Variants in RAB21 observed in about 807,000 individuals in gnomAD.
RAB21 encodes the protein RAB21, member RAS oncogene family.
RAB21 carries 13 observed loss-of-function variants against 33.1 expected under a neutral mutation model. The ratio of observed to expected loss-of-function variants is 0.39; its 90% confidence interval spans 0.26 to 0.62. The LOEUF (loss-of-function observed/expected upper bound fraction) is 0.62. RAB21 is among the 20% of genes least tolerant of loss of function. The pLI, the probability that RAB21 is intolerant of heterozygous loss-of-function variation, is 0.48. For missense variants in RAB21, 234 were observed against 279.1 expected (o/e 0.84, Z 1.15); for synonymous variants, 91 against 103.7 (o/e 0.88, Z 0.74).
rs1348466110 is a variant in RAB21 at position 71,797,578 on chromosome 12, TTAA to T, written c.*11906_*11908del. 1 of 84,026 alleles carries T rather than the reference TTAA, an allele frequency of 1.2e-5. No individual in the cohort carries two copies. Among genetic ancestry groups the T allele is most frequent in the Admixed American group, 1.3e-4 (1 of 7,698 alleles). 5.2% of individuals were successfully genotyped at this position (84,026 alleles called of 1,614,324 possible). A position where few individuals can be genotyped will look rare whatever the true frequency, so the allele number is the denominator to read the frequency against. ...TGCAATCCCAATAAAAATATAAGGA[TTAA>T]AAAAAAAAAAAACTAGATCGCTGAT... On this transcript the variant is annotated 3_prime_UTR_variant, in exon 7 of 7. Transcript: ENST00000261263.
intron 1 of RAB21, among the ~76,000 whole-genome samples, chr12:71,761,011 C>T (rs1160545060): frequency 1.3e-5 from 2 of 150,174 alleles, no homozygotes; most frequent in African/African-American, 2.5e-5. Flanking sequence ...TCAAGACCAG[C>T]ATGGGTAATG....
rs1883305076 is a variant in RAB21 at position 71,787,081 on chromosome 12, T to A, written c.*1408T>A. ...ACTTTTAGATCCTTTGTGAGCAAGTTCTATTTGTTCATTGCTTGCCAGAGA... is the reference window on the plus strand; with the variant it reads ...ACTTTTAGATCCTTTGTGAGCAAGTACTATTTGTTCATTGCTTGCCAGAGA... On this transcript the variant is annotated 3_prime_UTR_variant, in exon 7 of 7. Coordinates refer to ENST00000261263, the MANE Select transcript of RAB21 (RefSeq NM_014999.4). 1 of 152,326 alleles carries A rather than the reference T, an allele frequency of 6.6e-6. No homozygotes were observed. 9.4% of individuals were successfully genotyped at this position (152,326 alleles called of 1,614,324 possible). A position where few individuals can be genotyped will look rare whatever the true frequency, so the allele number is the denominator to read the frequency against.
chr12:71,757,085 A>C (rs1377389227), intron 1 of RAB21, among the ~76,000 whole-genome samples: 1 of 152,220 alleles, frequency 6.6e-6, no homozygotes, highest in Non-Finnish European at 1.5e-5. Context: ...GATCTAAGAT[A>C]AAAGAAAACT....
intron 6 of RAB21, 118 bp downstream of exon 6, chr12:71,782,776 G>C (rs1298640910): frequency 1.5e-6 from 1 of 650,960 alleles, no homozygotes; most frequent in African/African-American, 1.9e-5. Flanking sequence ...TTAAACTATT[G>C]ACTATTGGTA....
intron 1 of RAB21, among the ~76,000 whole-genome samples, chr12:71,762,727 C>T (rs966272660): frequency 8.5e-5 from 13 of 152,048 alleles, no homozygotes; most frequent in South Asian, 2.1e-4. Flanking sequence ...GGATTACAGG[C>T]GCCCACCATC....
chr12:71,767,352 CCTT>C (rs1401834543), intron 1 of RAB21, among the ~76,000 whole-genome samples: 2 of 151,988 alleles, frequency 1.3e-5, no homozygotes, highest in Non-Finnish European at 2.9e-5. Flanking sequence ...TGATGCACTC[CCTT>C]CTTCTGAGAA....
At chr12:71,785,310 C>T (rs1359360450) in intron 6 of RAB21, among the ~76,000 whole-genome samples, 5 of 152,082 alleles carry the variant, frequency 3.3e-5, no homozygotes, top group Non-Finnish European at 7.4e-5. Context: ...GGCCATTATA[C>T]CACTGGATAA....
At position 71,791,510 on chromosome 12, in the gene RAB21, A is replaced by G. The variant is rs1883384288; in HGVS notation, c.*5837A>G. On this transcript the variant is annotated 3_prime_UTR_variant, in exon 7 of 7. Transcript: ENST00000261263. The stretch of plus-strand genomic sequence containing the variant: ...TGGAGGGAAGAAGGAAAAAGAGGAA[A>G]GGTATAACTGATGGGGAAAAGTACA... The G allele has an allele frequency of 6.6e-6, 1 of 152,230 alleles. No homozygotes were observed. Among genetic ancestry groups the G allele is most frequent in the Non-Finnish European group, 1.5e-5 (1 of 68,042 alleles). 9.4% of individuals were successfully genotyped at this position (152,230 alleles called of 1,614,324 possible). A position where few individuals can be genotyped will look rare whatever the true frequency, so the allele number is the denominator to read the frequency against.
At chr12:71,764,496 A>G (rs1882929745) in intron 1 of RAB21, among the ~76,000 whole-genome samples, 1 of 152,076 alleles carries the variant, frequency 6.6e-6, no homozygotes, top group African/African-American at 2.4e-5. Flanking sequence ...TTTGGGGTAT[A>G]GGTGTTTTTT....
intron 1 of RAB21, among the ~76,000 whole-genome samples, chr12:71,767,371 C>T (rs1882978266): frequency 6.6e-6 from 1 of 152,070 alleles, no homozygotes; most frequent in South Asian, 2.1e-4. Flanking sequence ...GAGAAATCTC[C>T]ACAACACTCA....
chr12:71,799,677 GA>G lies in RAB21; in HGVS notation c.*14006del, dbSNP rs1470042310. 1.3e-5 allele frequency: 2 copies of G among 152,022 alleles called. No homozygotes were observed. The highest frequency in any genetic ancestry group is 2.9e-5 in the Non-Finnish European group (2 of 68,020). The allele number at this position is 152,022 out of a possible 1,614,324, so 9.4% of individuals were successfully genotyped here. ...CATATTTAAAAGAAACCATCAACAG[GA>G]ATATTAAGTTTTTAAAAAAAGCCAG... On this transcript the variant is annotated 3_prime_UTR_variant, in exon 7 of 7. Coordinates refer to ENST00000261263, the MANE Select transcript of RAB21 (RefSeq NM_014999.4).
chr12:71,770,574 A>G lies in RAB21; in HGVS notation c.220-18A>G. 3 of 1,493,112 alleles carry G rather than the reference A, an allele frequency of 2.0e-6. No homozygotes were observed. Among genetic ancestry groups the G allele is most frequent in the Non-Finnish European group, 1.9e-6 (2 of 1,071,014 alleles). 92.5% of individuals were successfully genotyped at this position (1,493,112 alleles called of 1,614,324 possible). A position where few individuals can be genotyped will look rare whatever the true frequency, so the allele number is the denominator to read the frequency against. On this transcript the variant is annotated intron_variant, in intron 2 of 6. Transcript: ENST00000261263. ...GTATTTTTCTTCTGATCTAATAAGC[A>G]TTTGTTGCTTTCTTTAGGATACGGC...
rs2137669573 is a variant in RAB21, at chr12:71,797,801, GGA to G, written c.*12130_*12131del. The G allele has an allele frequency of 7.5e-6, 1 of 132,562 alleles. No individual in the cohort carries two copies. The highest frequency in any genetic ancestry group is 2.6e-4 in the South Asian group (1 of 3,920). 8.2% of individuals were successfully genotyped at this position (132,562 alleles called of 1,614,324 possible). A position where few individuals can be genotyped will look rare whatever the true frequency, so the allele number is the denominator to read the frequency against. ...ATGAACCCAGATATGGGAATTTAGT[GGA>G]GGAGAAGTGATGTTTCAGCTCAGTG... On this transcript the variant is annotated 3_prime_UTR_variant, in exon 7 of 7. Transcript: ENST00000261263.
rs1208216117 is a variant in RAB21, at chr12:71,770,673, A to G, written c.301A>G (p.Ile101Val). ...DSNGAILVYDITDEDSFQKVK... is the reference protein window; with the variant it reads ...DSNGAILVYDVTDEDSFQKVK... Reference sequence around the variant, plus strand: ...AAATGGAGCGATTTTAGTTTATGACATAACAGATGAAGATTCTTTTCAGAA... The same window carrying G: ...AAATGGAGCGATTTTAGTTTATGACGTAACAGATGAAGATTCTTTTCAGAA... Residue 101 changes from isoleucine (I) to valine (V), a missense_variant, in exon 3 of 7, where the codon ATA (isoleucine) becomes GTA (valine). Ile to Val is a conservative substitution (Grantham distance 29). Transcript: ENST00000261263. 2.2e-5 allele frequency: 35 copies of G among 1,595,172 alleles called. No individual in the cohort carries two copies. Among genetic ancestry groups the G allele is most frequent in the Non-Finnish European group, 3.0e-5 (35 of 1,164,572 alleles).
Position 71,765,210 on chromosome 12 carries a change from A to T in RAB21, c.160-4590A>T, listed in dbSNP as rs1882941652. On this transcript the variant is annotated intron_variant, in intron 1 of 6. Coordinates refer to ENST00000261263, the MANE Select transcript of RAB21 (RefSeq NM_014999.4). ...ATTTGCATTTCCCTGATAATTAGTC[A>T]TGTTGAGCATTTCTTCATACGTTTG... is the stretch of plus-strand genomic sequence containing the variant. Among the ~76,000 whole-genome samples the T allele has an allele frequency of 3.3e-5, 5 of 152,318 alleles. No homozygotes were observed. In the South Asian group the frequency reaches 1.0e-3, roughly 32 times the overall value.
In RAB21 at chr12:71,792,859, C is replaced by T. The variant is rs1883407669; in HGVS notation, c.*7186C>T. 1 of 152,280 alleles carries T rather than the reference C, an allele frequency of 6.6e-6. No homozygotes were observed. Among genetic ancestry groups the T allele is most frequent in the East Asian group, 1.9e-4 (1 of 5,190 alleles). The allele number at this position is 152,280 out of a possible 1,614,324, so 9.4% of individuals were successfully genotyped here. On this transcript the variant is annotated 3_prime_UTR_variant, in exon 7 of 7. Transcript: ENST00000261263. ...CTGGGGATATAAGGTCACCTGTGCA[C>T]ACATGTTCACATTCTGTGTTTGATC...
intron 3 of RAB21, among the ~76,000 whole-genome samples, chr12:71,772,945 A>G (rs912799451): frequency 6.6e-6 from 1 of 152,234 alleles, no homozygotes; most frequent in Non-Finnish European, 1.5e-5. Flanking sequence ...GGGAAGTGTT[A>G]CATTTGTACA....
chr12:71,755,431 T>A, intron 1 of RAB21, 143 bp downstream of exon 1: 1 of 1,061,854 alleles, frequency 9.4e-7, no homozygotes, highest in Non-Finnish European at 1.3e-6. Flanking sequence ...CTTTCCGAAT[T>A]CGCCCTGGGG....
chr12:71,776,053 T>G (rs772500831), intron 4 of RAB21, among the ~76,000 whole-genome samples: 3 of 152,184 alleles, frequency 2.0e-5, no homozygotes, highest in Non-Finnish European at 4.4e-5. Flanking sequence ...AAGCTACAGC[T>G]AATCAGTACT....
Sources: gnomAD v4.1 joint callset for allele counts (sites outside exome capture counted in the v4.1 genomes callset) on GRCh38, gnomAD v4.1.1 for gene constraint, MANE v1.5 for transcripts, NCBI Gene and HGNC (gene_info 2026-07-23, HGNC 2026-07-21) for gene names.